The following ACSS3 variants were observed in gnomAD, a reference collection of about 807,000 sequenced individuals.
ACSS3 encodes the protein acyl-CoA synthetase short chain family member 3.
A neutral mutation model predicts 84.2 loss-of-function variants in ACSS3; 64 were observed. That is an observed-to-expected ratio of 0.76 (90% CI 0.62 to 0.94). The LOEUF is 0.94. ACSS3 is among the 40% of genes least tolerant of loss of function. The probability of loss-of-function intolerance (pLI) is 0.00; values close to 1 mark genes in which losing one functional copy is unlikely to be tolerated. For synonymous variants in ACSS3, 317 were observed against 310.1 expected, an observed-to-expected ratio of 1.02 and a Z score of -0.23; for missense variants, 815 against 867.6, an observed-to-expected ratio of 0.94 and a Z score of 0.76.
In ACSS3 at chr12:81,135,305, T is replaced by A. The variant is rs914602459; in HGVS notation, c.645+301T>A. Among the ~76,000 whole-genome samples, 8 of 145,102 alleles carry A rather than the reference T, an allele frequency of 5.5e-5. No individual in the cohort carries two copies. In the South Asian group the frequency reaches 1.5e-3, roughly 27 times the overall value. On this transcript the variant is annotated intron_variant, in intron 3 of 15. Transcript: ENST00000548058. The stretch of plus-strand genomic sequence containing the variant: ...TATATTATATATATTATAATATATA[T>A]TATATATCACATTATATATTATATA...
intron 3 of ACSS3, 77 bp downstream of exon 3, chr12:81,135,081 A>C: frequency 7.8e-7 from 1 of 1,281,892 alleles, no homozygotes; most frequent in Non-Finnish European, 1.1e-6. Flanking sequence ...GAATCATCTG[A>C]GAATGCTCTA....
chr12:81,248,407 A>G (rs2034050557), intron 13 of ACSS3, among the ~76,000 whole-genome samples: 1 of 152,016 alleles, frequency 6.6e-6, no homozygotes, highest in African/African-American at 2.4e-5. Context: ...ATTTGCAGCT[A>G]TTTGGATGGA....
At chr12:81,230,543 A>T (rs1258021058) in intron 11 of ACSS3, among the ~76,000 whole-genome samples, 1 of 151,854 alleles carries the variant, frequency 6.6e-6, no homozygotes, top group Non-Finnish European at 1.5e-5. Context: ...AAGAAAAAAG[A>T]GGAGGAAGCA....
At position 81,237,463 on chromosome 12, in the gene ACSS3, A is replaced by T. The variant is rs148248652; in HGVS notation, c.1719+3992A>T. 2.6e-5 allele frequency among the ~76,000 whole-genome samples: 4 copies of T among 151,766 alleles called. No homozygotes were observed. In the East Asian group the frequency reaches 7.8e-4, roughly 29 times the overall value. ...AAATTTTCTGATAATTCTGATATTT[A>T]GGTAATGTTGGGTTTGGTATCTAGG... On this transcript the variant is annotated intron_variant, in intron 13 of 15. Coordinates refer to ENST00000548058, the MANE Select transcript of ACSS3 (RefSeq NM_024560.4).
intron 9 of ACSS3, among the ~76,000 whole-genome samples, chr12:81,209,334 A>T (rs1263226993): frequency 3.3e-5 from 5 of 151,732 alleles, no homozygotes; most frequent in Middle Eastern, 3.4e-3. Flanking sequence ...AAATCTTTTT[A>T]AAAAGGTTAT....
At chr12:81,187,592 A>G (rs937839025) in intron 8 of ACSS3, among the ~76,000 whole-genome samples, 2 of 151,842 alleles carry the variant, frequency 1.3e-5, no homozygotes, top group Admixed American at 1.3e-4. Context: ...CATTTTTTTC[A>G]TATAGCTACC....
intron 2 of ACSS3, chr12:81,124,620 T>G (rs1884920377): frequency 6.6e-6 from 1 of 152,202 alleles, no homozygotes; most frequent in Admixed American, 6.5e-5. Context: ...TCTTTAGCAT[T>G]TCTCGAGTAA....
intron 1 of ACSS3, among the ~76,000 whole-genome samples, chr12:81,097,123 T>C (rs921885345): frequency 6.6e-6 from 1 of 152,214 alleles, no homozygotes; most frequent in African/African-American, 2.4e-5. Context: ...TAGACACATG[T>C]GGCTAGTCGT....
intron 8 of ACSS3, among the ~76,000 whole-genome samples, chr12:81,185,263 C>A (rs2031186916): frequency 6.6e-6 from 1 of 151,782 alleles, no homozygotes; most frequent in South Asian, 2.1e-4. Context: ...CTGGAGAGAA[C>A]TGAAAACTTC....
At chr12:81,185,392 G>A (rs969676645) in intron 8 of ACSS3, among the ~76,000 whole-genome samples, 1 of 151,552 alleles carries the variant, frequency 6.6e-6, no homozygotes, top group Non-Finnish European at 1.5e-5. Context: ...AATTGAAAAA[G>A]AAGTAAAATT....
In ACSS3 at chr12:81,192,245, G is replaced by A. The variant is rs543467592; in HGVS notation, c.1251-7096G>A. Among the ~76,000 whole-genome samples the A allele has an allele frequency of 2.6e-5, 4 of 152,226 alleles. No individual in the cohort carries two copies. In the South Asian group the frequency reaches 8.3e-4, roughly 32 times the overall value. On this transcript the variant is annotated intron_variant, in intron 8 of 15. Transcript: ENST00000548058. Reference sequence around the variant, plus strand: ...AAATACAAAAAATTAGCCAGACATGGTGGCGGGTGCCTGTAATCCCAGCTA... The same window carrying A: ...AAATACAAAAAATTAGCCAGACATGATGGCGGGTGCCTGTAATCCCAGCTA...
At chr12:81,198,078 T>C (rs1298310338) in intron 8 of ACSS3, among the ~76,000 whole-genome samples, 2 of 152,192 alleles carry the variant, frequency 1.3e-5, no homozygotes, top group Non-Finnish European at 2.9e-5. Context: ...CTCAGGGCAC[T>C]GTTCTTTTTT....
chr12:81,251,154 C>T (rs1179833080), intron 13 of ACSS3, among the ~76,000 whole-genome samples: 1 of 152,028 alleles, frequency 6.6e-6, no homozygotes, highest in Non-Finnish European at 1.5e-5. Context: ...TGAGTGATTC[C>T]AATTATAACA....
chr12:81,166,325 A>G (rs975036415), intron 7 of ACSS3, among the ~76,000 whole-genome samples: 5 of 152,214 alleles, frequency 3.3e-5, no homozygotes, highest in Non-Finnish European at 2.9e-5. Context: ...TATCAACTGA[A>G]GTACTACAGT....
At position 81,173,556 on chromosome 12, in the gene ACSS3, A is replaced by G. The variant is rs545967497; in HGVS notation, c.1099-1232A>G. On this transcript the variant is annotated intron_variant, in intron 7 of 15. Coordinates refer to ENST00000548058, the MANE Select transcript of ACSS3 (RefSeq NM_024560.4). ...CCTATCAATGATCTAATCAATGAGTATTGAATCTAAATTATTGGACAACTA... is the reference window on the plus strand; with the variant it reads ...CCTATCAATGATCTAATCAATGAGTGTTGAATCTAAATTATTGGACAACTA... 3.3e-5 allele frequency among the ~76,000 whole-genome samples: 5 copies of G among 152,292 alleles called. No homozygotes were observed. The East Asian group carries it at 9.6e-4, about 29-fold the overall frequency.
chr12:81,139,285 T>C lies in ACSS3; in HGVS notation c.780+20T>C, dbSNP rs780544282. The C allele has an allele frequency of 6.2e-7, 1 of 1,612,574 alleles. No homozygotes were observed. The highest frequency in any genetic ancestry group is 1.1e-5 in the South Asian group (1 of 90,970). ...AATATGGTAATCTGAATATTGAATT[T>C]GGTTCTTGCTTATGGTAATATGCTA... On this transcript the variant is annotated intron_variant, in intron 4 of 15. Transcript: ENST00000548058.
At chr12:81,118,252 T>A (rs1884223252) in intron 2 of ACSS3, among the ~76,000 whole-genome samples, 2 of 152,156 alleles carry the variant, frequency 1.3e-5, no homozygotes, top group Non-Finnish European at 2.9e-5. Flanking sequence ...GTGGCTTAAT[T>A]TTTTAAATAA....
In ACSS3 at chr12:81,216,913, C is replaced by T. The variant is rs769453611; in HGVS notation, c.1367C>T (p.Pro456Leu). ...DHWWQTETGS[P>L]ITASCVGLGN... is the part of the protein sequence containing the mutation. Reference sequence around the variant, plus strand: ...TTTCTTTTTCCAGAGACTGGATCTCCAATTACTGCGTCATGTGTTGGATTA... The same window carrying T: ...TTTCTTTTTCCAGAGACTGGATCTCTAATTACTGCGTCATGTGTTGGATTA... The change falls in exon 10 of 16, where the codon CCA becomes CTA. Residue 456 changes from proline (P) to leucine (L), a missense_variant. Physicochemically the swap from Pro to Leu is moderately conservative, Grantham distance 98. Coordinates refer to ENST00000548058, the MANE Select transcript of ACSS3 (RefSeq NM_024560.4). 1.9e-6 allele frequency: 3 copies of T among 1,610,286 alleles called. No individual in the cohort carries two copies. In the East Asian group the frequency reaches 6.7e-5, roughly 36 times the overall value.
chr12:81,246,169 G>A (rs1427207587), intron 13 of ACSS3, among the ~76,000 whole-genome samples: 1 of 152,176 alleles, frequency 6.6e-6, no homozygotes, highest in Non-Finnish European at 1.5e-5. Flanking sequence ...AGTACCCAGG[G>A]CTCCCTCCTG....
Sources: gnomAD v4.1 joint callset for allele counts (sites outside exome capture counted in the v4.1 genomes callset) on GRCh38, gnomAD v4.1.1 for gene constraint, MANE v1.5 for transcripts, NCBI Gene and HGNC (gene_info 2026-07-23, HGNC 2026-07-21) for gene names.